Variants in ARSB observed in about 807,000 individuals in gnomAD.
ARSB encodes the protein N-acetylgalactosamine-4-sulfatase.
Under a neutral mutation model 50.9 loss-of-function variants are expected in ARSB, and 41 were observed. The observed-to-expected ratio is 0.81, with a 90% confidence interval of 0.63 to 1.04. The LOEUF (loss-of-function observed/expected upper bound fraction) is 1.04. ARSB is among the 50% of genes least tolerant of loss of function. ARSB has a pLI of 0.00. For missense variants in ARSB, 672 were observed against 693.3 expected, an observed-to-expected ratio of 0.97 and a Z score of 0.35; for synonymous variants, 269 against 284.8, an observed-to-expected ratio of 0.94 and a Z score of 0.56.
intron 5 of ARSB, among the ~76,000 whole-genome samples, chr5:78,868,207 C>T (rs1180455210): frequency 5.9e-5 from 8 of 136,046 alleles, no homozygotes; most frequent in South Asian, 2.4e-4. Flanking sequence ...GAAAGTGATG[C>T]GGAGAATGGA....
intron 6 of ARSB, among the ~76,000 whole-genome samples, chr5:78,797,167 C>T (rs1038404870): frequency 3.9e-5 from 6 of 152,164 alleles, no homozygotes; most frequent in East Asian, 1.9e-4. Flanking sequence ...CGTGAGCCAC[C>T]GCGCCCGGCA....
intron 4 of ARSB, among the ~76,000 whole-genome samples, chr5:78,932,848 T>TTC (rs140242085): frequency 1.0e-3 from 156 of 151,776 alleles, no homozygotes; most frequent in African/African-American, 3.7e-3. Context: ...GAATGGACCA[T>TTC]TCTCTCTCTC....
chr5:78,925,453 C>G (rs930597501), intron 4 of ARSB, among the ~76,000 whole-genome samples: 2 of 151,920 alleles, frequency 1.3e-5, no homozygotes, highest in East Asian at 3.9e-4. Flanking sequence ...ACTTTGCCTC[C>G]GAGAAGCTAG....
chr5:78,850,948 C>A (rs950843360), intron 5 of ARSB, among the ~76,000 whole-genome samples: 2 of 152,146 alleles, frequency 1.3e-5, no homozygotes, highest in African/African-American at 4.8e-5. Flanking sequence ...ATTCTTCTCT[C>A]TTTTCTTCTT....
chr5:78,812,394 G>A (rs571806975), intron 6 of ARSB, among the ~76,000 whole-genome samples: 9 of 152,260 alleles, frequency 5.9e-5, no homozygotes, highest in South Asian at 2.1e-4. Flanking sequence ...GCAATCATCC[G>A]AAACCAGGCT....
chr5:78,841,852 T>C (rs114224247), intron 5 of ARSB, among the ~76,000 whole-genome samples: 61 of 152,274 alleles, frequency 4.0e-4, no homozygotes, highest in African/African-American at 1.2e-3. Flanking sequence ...ATGATGCAAA[T>C]AGGAGCCAAC....
rs916005807 is a variant in ARSB, at chr5:78,912,602, A to C, written c.899-26775T>G. On this transcript the variant is annotated intron_variant, in intron 4 of 7. Coordinates refer to ENST00000264914, the MANE Select transcript of ARSB (RefSeq NM_000046.5). Reference sequence around the variant, plus strand: ...TTGCTGCGGTGGTTTCAGGTTTACCAATGCAGCAGGTGGGTCAGGAAGCAC... The same window carrying C: ...TTGCTGCGGTGGTTTCAGGTTTACCCATGCAGCAGGTGGGTCAGGAAGCAC... 1.1e-4 allele frequency among the ~76,000 whole-genome samples: 16 copies of C among 152,358 alleles called. No individual in the cohort carries two copies. The East Asian group carries it at 1.3e-3, about 13-fold the overall frequency.
intron 1 of ARSB, among the ~76,000 whole-genome samples, chr5:78,970,431 A>G (rs919056578): frequency 6.6e-6 from 1 of 152,232 alleles, no homozygotes; most frequent in African/African-American, 2.4e-5. Context: ...ATTGAATAAA[A>G]AAATTTATAA....
chr5:78,851,379 T>C (rs1298545015), intron 5 of ARSB, among the ~76,000 whole-genome samples: 1 of 152,304 alleles, frequency 6.6e-6, no homozygotes, highest in East Asian at 1.9e-4. Context: ...TTTGAGTGAG[T>C]TTCTGAATCC....
chr5:78,984,758 G>A (rs1427045668), intron 1 of ARSB, among the ~76,000 whole-genome samples, 179 bp downstream of exon 1: 6 of 152,024 alleles, frequency 3.9e-5, no homozygotes, highest in South Asian at 2.1e-4. Context: ...CGCAGAGGCC[G>A]CGGCGGGCTG....
chr5:78,848,433 A>C (rs1462620520), intron 5 of ARSB, among the ~76,000 whole-genome samples: 2 of 150,124 alleles, frequency 1.3e-5, no homozygotes, highest in African/African-American at 4.9e-5. Flanking sequence ...CATGGTGTAT[A>C]TGTGCCACAT....
intron 6 of ARSB, among the ~76,000 whole-genome samples, chr5:78,798,843 G>C (rs1053774575): frequency 2.0e-5 from 3 of 152,138 alleles, no homozygotes; most frequent in Non-Finnish European, 4.4e-5. Flanking sequence ...AAGCTGGCTG[G>C]TGTTCTTCCA....
chr5:78,843,475 GT>G (rs1475160081), intron 5 of ARSB, among the ~76,000 whole-genome samples: 1 of 152,168 alleles, frequency 6.6e-6, no homozygotes, highest in Non-Finnish European at 1.5e-5. Flanking sequence ...TGATGCATGG[GT>G]TCAATCCCAG....
intron 6 of ARSB, among the ~76,000 whole-genome samples, chr5:78,792,302 C>T (rs1304315464): frequency 2.0e-5 from 3 of 151,846 alleles, no homozygotes; most frequent in African/African-American, 7.3e-5. Context: ...GCACTTGAAC[C>T]CAGGAGGTGG....
chr5:78,815,568 A>G lies in ARSB; in HGVS notation c.1213+23788T>C. ...GGTGGAGGAAAGCATCTGGGCCTACATTTTCCTGAAGATGGCTTTTCAAAA... is the reference window on the plus strand; with the variant it reads ...GGTGGAGGAAAGCATCTGGGCCTACGTTTTCCTGAAGATGGCTTTTCAAAA... On this transcript the variant is annotated intron_variant, in intron 6 of 7. Transcript: ENST00000264914. 2 of 987,348 alleles carry G rather than the reference A, an allele frequency of 2.0e-6. 1 individual carries two copies. Among genetic ancestry groups the G allele is most frequent in the Non-Finnish European group, 2.4e-6 (2 of 831,332 alleles). The allele number at this position is 987,348 out of a possible 1,614,324, so 61.2% of individuals were successfully genotyped here. A position where few individuals can be genotyped will look rare whatever the true frequency, so the allele number is the denominator to read the frequency against.
intron 6 of ARSB, among the ~76,000 whole-genome samples, chr5:78,826,705 A>C (rs984111485): frequency 6.6e-6 from 1 of 152,222 alleles, no homozygotes; most frequent in African/African-American, 2.4e-5. Context: ...TTAGGAAAGA[A>C]AACAAATAGC....
intron 2 of ARSB, among the ~76,000 whole-genome samples, chr5:78,965,231 A>G (rs528429511): frequency 6.6e-6 from 1 of 152,354 alleles, no homozygotes; most frequent in Admixed American, 6.5e-5. Flanking sequence ...CCAGATTTAA[A>G]TGGCATCAAC....
chr5:78,877,999 T>C (rs922891194), intron 5 of ARSB, among the ~76,000 whole-genome samples: 1 of 152,080 alleles, frequency 6.6e-6, no homozygotes, highest in Non-Finnish European at 1.5e-5. Flanking sequence ...TTGCATGAAA[T>C]TGATGAAAGA....
chr5:78,866,456 G>A (rs1015139502), intron 5 of ARSB, among the ~76,000 whole-genome samples: 1 of 152,176 alleles, frequency 6.6e-6, no homozygotes, highest in African/African-American at 2.4e-5. Flanking sequence ...TGGGGACACA[G>A]CCAAACCATA....
Sources: allele counts gnomAD v4.1 joint callset (sites outside exome capture counted in the v4.1 genomes callset), GRCh38; gene constraint gnomAD v4.1.1; transcripts MANE v1.5; gene names NCBI Gene and HGNC (gene_info 2026-07-23, HGNC 2026-07-21).